NPRL3: variants seen among roughly 807,000 people sequenced by gnomAD.
The protein encoded by NPRL3 is GATOR1 complex protein NPRL3.
Under a neutral mutation model 57.2 loss-of-function variants are expected in NPRL3, and 23 were observed. The observed-to-expected ratio is 0.40, with a 90% CI of 0.29 to 0.57. The LOEUF is 0.57. NPRL3 is among the 20% of genes least tolerant of loss of function. NPRL3 has a pLI of 0.42. For missense variants in NPRL3, 691 were observed against 767.1 expected (o/e 0.90, Z 1.17); for synonymous variants, 333 against 321.1 (o/e 1.04, Z -0.39).
chr16:96,669 AAT>A (rs1555440743), intron 9 of NPRL3, among the ~76,000 whole-genome samples: 1 of 150,834 alleles, frequency 6.6e-6, no homozygotes, highest in Non-Finnish European at 1.5e-5. Flanking sequence ...AAAAAAAAAA[AAT>A]ATTAGCCAGG....
intron 3 of NPRL3, among the ~76,000 whole-genome samples, chr16:120,261 C>T (rs999435566): frequency 6.6e-6 from 1 of 152,178 alleles, no homozygotes; most frequent in African/African-American, 2.4e-5. Context: ...CTCTAGCCTC[C>T]GCAGGGCCAT....
chr16:112,525 C>T, intron 6 of NPRL3, 97 bp downstream of exon 6: 1 of 1,251,704 alleles, frequency 8.0e-7, no homozygotes, highest in Non-Finnish European at 1.0e-6. Context: ...ACATCTGTAT[C>T]ATTAACACTG....
At chr16:138,048 T>C (rs1901192551) in intron 2 of NPRL3, 102 bp downstream of exon 2, 1 of 793,784 alleles carries the variant, frequency 1.3e-6, no homozygotes, top group Non-Finnish European at 2.1e-6. Context: ...AGATCTCGAA[T>C]GCCCAGCAAA....
intron 6 of NPRL3, among the ~76,000 whole-genome samples, 180 bp from the exon 7 acceptor site, chr16:110,786 G>A (rs921466796): frequency 6.6e-6 from 1 of 152,150 alleles, no homozygotes; most frequent in Non-Finnish European, 1.5e-5. Context: ...CTGTCCTCAA[G>A]TGATCCATCC....
intron 3 of NPRL3, among the ~76,000 whole-genome samples, chr16:123,181 C>A (rs1900353724): frequency 6.6e-6 from 1 of 152,166 alleles, no homozygotes; most frequent in Non-Finnish European, 1.5e-5. Flanking sequence ...CTCCTGCTTG[C>A]CCGCCACCCT....
intron 2 of NPRL3, among the ~76,000 whole-genome samples, chr16:135,216 G>A (rs927140574): frequency 6.6e-6 from 1 of 152,186 alleles, no homozygotes; most frequent in Non-Finnish European, 1.5e-5. Context: ...ATTTGGCCAC[G>A]TTGTGGCCTG....
chr16:124,576 C>T (rs933692423), intron 3 of NPRL3, among the ~76,000 whole-genome samples: 3 of 152,086 alleles, frequency 2.0e-5, no homozygotes, highest in Admixed American at 6.6e-5. Context: ...CATAAGACTC[C>T]CAGAGGCAAA....
At chr16:122,331 T>C (rs1297952417) in intron 3 of NPRL3, among the ~76,000 whole-genome samples, 1 of 150,930 alleles carries the variant, frequency 6.6e-6, no homozygotes, top group Non-Finnish European at 1.5e-5. Context: ...CCTCCTGACC[T>C]CATGATCTGC....
At chr16:115,646 T>A (rs1373932261) in intron 5 of NPRL3, among the ~76,000 whole-genome samples, 1 of 152,172 alleles carries the variant, frequency 6.6e-6, no homozygotes, top group African/African-American at 2.4e-5. Context: ...CCACCACACC[T>A]GGCTAATTTT....
In NPRL3 at chr16:86,605, G is replaced by A. The variant is rs1898479971; in HGVS notation, c.*100C>T. 3 of 1,268,602 alleles carry A rather than the reference G, an allele frequency of 2.4e-6. No homozygotes were observed. The highest frequency in any genetic ancestry group is 2.7e-4 in the Middle Eastern group (1 of 3,666). The allele number at this position is 1,268,602 out of a possible 1,614,324, so 78.6% of individuals were successfully genotyped here. On this transcript the variant is annotated 3_prime_UTR_variant, in exon 14 of 14. Coordinates refer to ENST00000611875, the MANE Select transcript of NPRL3 (RefSeq NM_001077350.3). ...CGCATCCACCCAATGCCAGGCCTCA[G>A]GGCCAAGAGGGCTCAGCCTCAGCAC... is the stretch of plus-strand genomic sequence containing the variant.
At position 89,908 on chromosome 16, in the gene NPRL3, G is replaced by A. The variant is rs1458593110; in HGVS notation, c.1162-6C>T. ...ACCATCTGGATGAGCTGGGTCTGCG[G>A]GTGGCAGCAGGTGAGGCTGGTCCCC... is the stretch of plus-strand genomic sequence containing the variant. On this transcript the variant is annotated splice_region_variant and splice_polypyrimidine_tract_variant and intron_variant, in intron 11 of 13. Transcript: ENST00000611875. 2.6e-6 allele frequency: 4 copies of A among 1,543,510 alleles called. No homozygotes were observed. The highest frequency in any genetic ancestry group is 2.6e-6 in the Non-Finnish European group (3 of 1,144,306).
intron 5 of NPRL3, among the ~76,000 whole-genome samples, chr16:114,290 G>A (rs1899937993): frequency 6.6e-6 from 1 of 152,162 alleles, no homozygotes; most frequent in South Asian, 2.1e-4. Context: ...TGTCCGGTTT[G>A]CAAAGGCCTG....
At chr16:90,396 C>G (rs550515642) in intron 11 of NPRL3, 2 of 156,280 alleles carry the variant, frequency 1.3e-5, no homozygotes, top group South Asian at 3.8e-4. Flanking sequence ...TTGGATCTAC[C>G]TGAAAGTCCA....
rs2238365 is a variant in NPRL3 at position 92,202 on chromosome 16, G to A, written c.1161+394C>T. Among the ~76,000 whole-genome samples, 141 of 152,270 alleles carry A rather than the reference G, an allele frequency of 9.3e-4. 1 individual carries two copies. The East Asian group carries it at 0.023, about 25-fold the overall frequency. On this transcript the variant is annotated intron_variant, in intron 11 of 13. Transcript: ENST00000611875. ...GCAGAACTCTCAGAGGGTCAGGCCTGGCCCAGTGAGAACAAAACTGCCTTT... is the reference window on the plus strand; with the variant it reads ...GCAGAACTCTCAGAGGGTCAGGCCTAGCCCAGTGAGAACAAAACTGCCTTT...
intron 9 of NPRL3, among the ~76,000 whole-genome samples, chr16:95,325 G>GTGTC (rs761991763): frequency 6.8e-5 from 7 of 102,232 alleles, no homozygotes; most frequent in Non-Finnish European, 1.4e-4. Flanking sequence ...GTTTGTGTGT[G>GTGTC]TATATATATA....
At chr16:108,204 C>G (rs779288899) in intron 7 of NPRL3, among the ~76,000 whole-genome samples, 4 of 152,168 alleles carry the variant, frequency 2.6e-5, no homozygotes, top group African/African-American at 4.8e-5. Context: ...TGTTTAAGGA[C>G]TTATATCTCC....
At chr16:120,560 C>T (rs187261633) in intron 3 of NPRL3, among the ~76,000 whole-genome samples, 5 of 152,308 alleles carry the variant, frequency 3.3e-5, no homozygotes, top group East Asian at 1.9e-4. Flanking sequence ...TGAACTGGCA[C>T]GACCCTCTAA....
intron 2 of NPRL3, among the ~76,000 whole-genome samples, chr16:137,811 C>T (rs1446528151): frequency 6.6e-6 from 1 of 151,908 alleles, no homozygotes; most frequent in Admixed American, 6.6e-5. Context: ...GTGATCCACC[C>T]GCCTCGGCCT....
chr16:107,687 A>AT (rs1454442986), intron 7 of NPRL3, among the ~76,000 whole-genome samples: 3 of 152,152 alleles, frequency 2.0e-5, no homozygotes, highest in African/African-American at 7.2e-5. Context: ...GGGTCTCACC[A>AT]TGTTGCTGGG....
Sources: gnomAD v4.1 joint callset for allele counts (sites outside exome capture counted in the v4.1 genomes callset) on GRCh38, gnomAD v4.1.1 for gene constraint, MANE v1.5 for transcripts, NCBI Gene and HGNC (gene_info 2026-07-23, HGNC 2026-07-21) for gene names.